The following ZNF761 variants were observed in gnomAD, a reference collection of about 807,000 sequenced individuals.
ZNF761 encodes zinc finger protein 761.
Under a neutral mutation model 59.9 loss-of-function variants are expected in ZNF761, and 43 were observed. That is an observed-to-expected ratio of 0.72 (90% CI 0.56 to 0.92). The LOEUF is 0.92. Among genes scored for constraint, ZNF761 ranks in the 40% least tolerant of loss-of-function variants. ZNF761 has a pLI of 0.00. For synonymous variants in ZNF761, 294 were observed against 304.8 expected, an observed-to-expected ratio of 0.96 and a Z score of 0.37; for missense variants, 850 against 906.1, an observed-to-expected ratio of 0.94 and a Z score of 0.79.
intron 1 of ZNF761, among the ~76,000 whole-genome samples, chr19:53,438,100 A>G (rs1458216466): frequency 4.9e-5 from 5 of 102,794 alleles, no homozygotes; most frequent in Non-Finnish European, 8.7e-5. Context: ...ACAGTTATGG[A>G]GAAGAGCTGC....
chr19:53,432,578 A>C (rs577277891), intron 1 of ZNF761, among the ~76,000 whole-genome samples: 6,145 of 152,118 alleles, frequency 0.04, 404 homozygotes, highest in African/African-American at 0.14. Context: ...GCGGGGTGTT[A>C]CTGCCTGCCC....
intron 4 of ZNF761, 29 bp downstream of exon 4, chr19:53,449,667 A>G (rs7247440): frequency 0.81 from 1,229,014 of 1,517,578 alleles, 504,437 homozygotes; most frequent in South Asian, 0.89. Context: ...CAGAAGTGGG[A>G]ATGTGCCCTT....
At chr19:53,441,713 G>T in intron 1 of ZNF761, 4 of 601,332 alleles carry the variant, frequency 6.7e-6, no homozygotes, top group South Asian at 5.2e-5. Flanking sequence ...TCCCCAAAGT[G>T]CTGGGATTAC....
chr19:53,450,073 G>A, intron 4 of ZNF761: 1 of 359,230 alleles, frequency 2.8e-6, no homozygotes, highest in Non-Finnish European at 5.0e-6. Flanking sequence ...GGGAGGCCAA[G>A]GTGGGTGGAT....
At chr19:53,449,848 G>A in intron 4 of ZNF761, 1 of 1,233,386 alleles carries the variant, frequency 8.1e-7, no homozygotes, top group South Asian at 1.6e-5. Context: ...CACCATGTTT[G>A]GGCAAATTTT....
chr19:53,454,991 A>T lies in ZNF761; in HGVS notation c.484A>T (p.Asn162Tyr). 6.2e-7 allele frequency: 1 copy of T among 1,614,184 alleles called. No homozygotes were observed. The highest frequency in any genetic ancestry group is 1.7e-5 in the Admixed American group (1 of 60,024). Residue 162 changes from asparagine to tyrosine, a missense_variant, in exon 5 of 5, where the codon AAT becomes TAT. By Grantham distance (143) the Asn-to-Tyr change is moderately radical (BLOSUM62 -2). Transcript: ENST00000684525. Reference protein sequence around the residue: ...HIFQTEEKIDNQVVKSVHDAS... With the variant: ...HIFQTEEKIDYQVVKSVHDAS... ...ATTTCAGACCGAAGAGAAAATTGAT[A>T]ATCAAGTTGTGAAGTCTGTCCACGA...
chr19:53,450,351 C>T (rs1219668179), intron 4 of ZNF761: 2 of 152,398 alleles, frequency 1.3e-5, no homozygotes, highest in East Asian at 3.9e-4. Context: ...GTCCTTAAGG[C>T]TAATATGAGT....
chr19:53,452,284 G>A (rs58191755), intron 4 of ZNF761, among the ~76,000 whole-genome samples: 1 of 152,102 alleles, frequency 6.6e-6, no homozygotes, highest in African/African-American at 2.4e-5. Context: ...GGAGTTCGAG[G>A]CCAGCCTGGC....
rs1271898061 is a variant in ZNF761, at chr19:53,456,173, G to A, written c.1666G>A (p.Gly556Ser). Reference protein sequence around the residue: ...GEKPYKCKECGKTFNQQLTLK... With the variant: ...GEKPYKCKECSKTFNQQLTLK... The stretch of plus-strand genomic sequence containing the variant: ...GAAACCTTACAAGTGTAAGGAGTGT[G>A]GCAAGACCTTCAATCAGCAGTTAAC... The change falls in exon 5 of 5, where the codon GGC (glycine) becomes AGC (serine). Residue 556 changes from glycine (G) to serine (S), a missense_variant. Gly to Ser is a moderately conservative substitution (Grantham distance 56, BLOSUM62 0). Coordinates refer to ENST00000684525, the MANE Select transcript of ZNF761 (RefSeq NM_001289951.2). The A allele has an allele frequency of 6.2e-7, 1 of 1,614,000 alleles. No individual in the cohort carries two copies. Among genetic ancestry groups the A allele is most frequent in the Non-Finnish European group, 8.5e-7 (1 of 1,179,980 alleles).
chr19:53,442,509 A>G (rs1276256459), intron 1 of ZNF761: 2 of 727,614 alleles, frequency 2.7e-6, no homozygotes, highest in South Asian at 1.4e-5. Context: ...GGAAAAGACA[A>G]TTGATGACTT....
Position 53,456,876 on chromosome 19 carries a change from CAGG to C in ZNF761, c.*131_*133del, listed in dbSNP as rs2086277526. On this transcript the variant is annotated 3_prime_UTR_variant, in exon 5 of 5. Transcript: ENST00000684525. Reference sequence around the variant, plus strand: ...CAGTGGCAAATCAAGCCTCAGAAGACAGGAGAATTCATACTGGAGAGAAAGCTT... The same window carrying C: ...CAGTGGCAAATCAAGCCTCAGAAGACAGAATTCATACTGGAGAGAAAGCTT... 2 of 1,048,552 alleles carry C rather than the reference CAGG, an allele frequency of 1.9e-6. No individual in the cohort carries two copies. 65.0% of individuals were successfully genotyped at this position (1,048,552 alleles called of 1,614,324 possible). A position where few individuals can be genotyped will look rare whatever the true frequency, so the allele number is the denominator to read the frequency against.
intron 1 of ZNF761, chr19:53,444,054 A>G (rs1319399928): frequency 6.6e-6 from 1 of 152,394 alleles, no homozygotes; most frequent in African/African-American, 2.4e-5. Context: ...ATACCAAGGG[A>G]CACAATGCAC....
intron 1 of ZNF761, among the ~76,000 whole-genome samples, chr19:53,433,744 C>A (rs2086003697): frequency 6.6e-6 from 1 of 152,058 alleles, no homozygotes; most frequent in Non-Finnish European, 1.5e-5. Context: ...GCTCTTAACA[C>A]GGAGAGGTAA....
chr19:53,444,870 G>A (rs1006931455), intron 1 of ZNF761: 7 of 136,532 alleles, frequency 5.1e-5, no homozygotes, highest in African/African-American at 1.7e-4. Context: ...CCTGGACCCC[G>A]GCATGTTCCA....
intron 1 of ZNF761, among the ~76,000 whole-genome samples, chr19:53,435,590 A>G (rs1249747759): frequency 1.3e-5 from 2 of 152,034 alleles, no homozygotes; most frequent in Non-Finnish European, 2.9e-5. Context: ...GGCATGAGCA[A>G]CTGTGCCTGG....
chr19:53,455,688 A>G lies in ZNF761; in HGVS notation c.1181A>G (p.Lys394Arg), dbSNP rs778710671. The G allele has an allele frequency of 3.1e-6, 5 of 1,609,894 alleles. No homozygotes were observed. Among genetic ancestry groups the G allele is most frequent in the Non-Finnish European group, 4.2e-6 (5 of 1,178,898 alleles). Residue 394 changes from lysine (K) to arginine (R), a missense_variant, in exon 5 of 5, where the codon AAG (lysine) becomes AGG (arginine). By Grantham distance (26) the Lys-to-Arg change is conservative. Transcript: ENST00000684525. ...GAGTGTGGCAAGACCTTTAGTCACA[A>G]GTCATCCCTTACATGCCATCGTAGA... ...CNECGKTFSHKSSLTCHRRLH... is the reference protein window; with the variant it reads ...CNECGKTFSHRSSLTCHRRLH...
intron 1 of ZNF761, among the ~76,000 whole-genome samples, chr19:53,445,762 C>T (rs376691884): frequency 3.3e-5 from 5 of 152,138 alleles, no homozygotes; most frequent in African/African-American, 1.2e-4. Context: ...AGACCATCTT[C>T]GAGGCCTTTC....
chr19:53,455,469 C>T lies in ZNF761; in HGVS notation c.962C>T (p.Thr321Ile), dbSNP rs767968667. The T allele has an allele frequency of 1.1e-5, 17 of 1,613,662 alleles. No individual in the cohort carries two copies. The highest frequency in any genetic ancestry group is 1.4e-5 in the Non-Finnish European group (17 of 1,179,984). The change falls in exon 5 of 5, where the codon ACT (threonine) becomes ATT (isoleucine). Residue 321 changes from threonine (T) to isoleucine (I), a missense_variant. Physicochemically the swap from Thr to Ile is moderately conservative, Grantham distance 89 (BLOSUM62 -1). Coordinates refer to ENST00000684525, the MANE Select transcript of ZNF761 (RefSeq NM_001289951.2). ...SILERHRIIHTEEKPYKCNEC... is the reference protein window; with the variant it reads ...SILERHRIIHIEEKPYKCNEC... Reference sequence around the variant, plus strand: ...CTTGAAAGACATAGGATAATTCATACTGAAGAGAAACCATATAAGTGTAAT... The same window carrying T: ...CTTGAAAGACATAGGATAATTCATATTGAAGAGAAACCATATAAGTGTAAT...
intron 1 of ZNF761, among the ~76,000 whole-genome samples, chr19:53,441,212 G>A (rs868310085): frequency 2.7e-4 from 41 of 152,208 alleles, no homozygotes; most frequent in African/African-American, 8.7e-4. Flanking sequence ...AACTTGGGAG[G>A]TAGTGGTTGC....
Sources: allele counts gnomAD v4.1 joint callset (sites outside exome capture counted in the v4.1 genomes callset), GRCh38; gene constraint gnomAD v4.1.1; transcripts MANE v1.5; gene names NCBI Gene and HGNC (gene_info 2026-07-23, HGNC 2026-07-21).